Variants in ATOSA observed in about 807,000 individuals in gnomAD.
ATOSA encodes atos homolog protein A.
At chr15:52,703,348 A>G in the ATOSA span, among the ~76,000 whole-genome samples, 2 of 152,188 alleles carry the variant, frequency 1.3e-5, no homozygotes, top group South Asian at 2.1e-4. Context: ...GATTTCAACT[A>G]TACTTCAATA....
At chr15:52,627,279 T>C in the ATOSA span, among the ~76,000 whole-genome samples, 33 of 152,294 alleles carry the variant, frequency 2.2e-4, 1 homozygote, top group South Asian at 6.0e-3. Flanking sequence ...CATTTTTCAA[T>C]GAAGAAACTG....
the ATOSA span, among the ~76,000 whole-genome samples, chr15:52,598,075 G>C: frequency 6.6e-6 from 1 of 152,076 alleles, no homozygotes; most frequent in African/African-American, 2.4e-5. Flanking sequence ...AGTGAGCCAA[G>C]GTTGCACCAT....
chr15:52,583,516 G>A, the ATOSA span, among the ~76,000 whole-genome samples: 21 of 152,124 alleles, frequency 1.4e-4, no homozygotes, highest in Non-Finnish European at 2.6e-4. Context: ...TTCCTGAGGA[G>A]CTGGGATTAC....
the ATOSA span, among the ~76,000 whole-genome samples, chr15:52,675,203 T>C: frequency 6.6e-6 from 1 of 152,220 alleles, no homozygotes; most frequent in Non-Finnish European, 1.5e-5. Flanking sequence ...TAAAATACTA[T>C]CGACTATTGT....
the ATOSA span, among the ~76,000 whole-genome samples, chr15:52,694,408 C>T: frequency 1.3e-5 from 2 of 151,964 alleles, no homozygotes; most frequent in South Asian, 2.1e-4. Context: ...TCAGGTGATC[C>T]GCTTTCCTTG....
chr15:52,640,873 T>C, the ATOSA span, among the ~76,000 whole-genome samples: 3 of 152,090 alleles, frequency 2.0e-5, no homozygotes, highest in African/African-American at 7.2e-5. Flanking sequence ...ATATCTATTA[T>C]GGAAAACACT....
the ATOSA span, among the ~76,000 whole-genome samples, chr15:52,584,090 GAAAA>G: frequency 2.4e-4 from 10 of 41,882 alleles, no homozygotes; most frequent in South Asian, 1.7e-3. Flanking sequence ...GTCTCAAGAA[GAAAA>G]AAAAAAAAAA....
chr15:52,628,747 T>C, the ATOSA span, among the ~76,000 whole-genome samples: 2 of 152,192 alleles, frequency 1.3e-5, no homozygotes, highest in Non-Finnish European at 2.9e-5. Context: ...TTAGTTTTTA[T>C]GTATCTTCCA....
chr15:52,599,241 G>C, the ATOSA span, among the ~76,000 whole-genome samples: 1 of 152,122 alleles, frequency 6.6e-6, no homozygotes, highest in Non-Finnish European at 1.5e-5. Flanking sequence ...ATTTCTTGTA[G>C]TACAAAGGTT....
At chr15:52,642,933 G>T in the ATOSA span, among the ~76,000 whole-genome samples, 1 of 152,076 alleles carries the variant, frequency 6.6e-6, no homozygotes, top group Non-Finnish European at 1.5e-5. Flanking sequence ...CTCCCAAACT[G>T]CTGGGATTAC....
At chr15:52,592,092 A>G in the ATOSA span, among the ~76,000 whole-genome samples, 1 of 152,180 alleles carries the variant, frequency 6.6e-6, no homozygotes, top group Non-Finnish European at 1.5e-5. Context: ...GGTTCCTAAA[A>G]GTAGCTTCCT....
chr15:52,669,288 G>C, the ATOSA span, among the ~76,000 whole-genome samples: 1 of 152,092 alleles, frequency 6.6e-6, no homozygotes, highest in African/African-American at 2.4e-5. Context: ...CCTATGGTTA[G>C]TTCTTTCATA....
chr15:52,660,886 T>A, the ATOSA span, among the ~76,000 whole-genome samples: 3 of 152,174 alleles, frequency 2.0e-5, no homozygotes, highest in Non-Finnish European at 4.4e-5. Context: ...ACTCCCAACC[T>A]CAGGTGATCC....
the ATOSA span, among the ~76,000 whole-genome samples, chr15:52,644,562 T>C: frequency 6.6e-6 from 1 of 152,322 alleles, no homozygotes; most frequent in Admixed American, 6.5e-5. Context: ...AAATGGATGT[T>C]TAATGTTTCA....
chr15:52,621,155 T>C, the ATOSA span, among the ~76,000 whole-genome samples: 1 of 152,194 alleles, frequency 6.6e-6, no homozygotes, highest in Non-Finnish European at 1.5e-5. Flanking sequence ...TTAAATATAC[T>C]GTGGTCCAGT....
the ATOSA span, among the ~76,000 whole-genome samples, chr15:52,599,235 C>T: frequency 2.6e-5 from 4 of 152,128 alleles, no homozygotes; most frequent in African/African-American, 9.7e-5. Context: ...AAAATAATTT[C>T]TTGTAGTACA....
At chr15:52,708,684 T>G in the ATOSA span, among the ~76,000 whole-genome samples, 1 of 152,186 alleles carries the variant, frequency 6.6e-6, no homozygotes, top group Admixed American at 6.5e-5. Context: ...GGGTACTTTT[T>G]TTTTTTCTGT....
the ATOSA span, chr15:52,605,241 A>G: frequency 6.3e-7 from 1 of 1,587,450 alleles, no homozygotes; most frequent in Non-Finnish European, 8.6e-7. Context: ...GTTTCAGTGT[A>G]GTCCTCTGTT....
At chr15:52,588,782 T>C in the ATOSA span, among the ~76,000 whole-genome samples, 1 of 152,252 alleles carries the variant, frequency 6.6e-6, no homozygotes, top group South Asian at 2.1e-4. Flanking sequence ...AAAAAATGAA[T>C]GCTGATGCAT....
Sources: gnomAD v4.1 joint callset for allele counts (sites outside exome capture counted in the v4.1 genomes callset) on GRCh38, gnomAD v4.1.1 for gene constraint, MANE v1.5 for transcripts, NCBI Gene and HGNC (gene_info 2026-07-23, HGNC 2026-07-21) for gene names.